BICD1: variants seen among roughly 807,000 people sequenced by gnomAD.
BICD1 encodes the protein protein bicaudal D homolog 1.
Under a neutral mutation model 92.5 loss-of-function variants are expected in BICD1, and 35 were observed. The observed-to-expected ratio is 0.38, with a 90% confidence interval of 0.29 to 0.50. The LOEUF (loss-of-function observed/expected upper bound fraction) is 0.50. Ranked by LOEUF, BICD1 falls within the 20% of genes least tolerant of loss-of-function variation. The pLI is 0.93. For synonymous variants in BICD1, 429 were observed against 465.1 expected, an observed-to-expected ratio of 0.92 and a Z score of 1.00; for missense variants, 950 against 1,189.8, an observed-to-expected ratio of 0.80 and a Z score of 2.97.
intron 2 of BICD1, among the ~76,000 whole-genome samples, chr12:32,255,730 T>G (rs1565622571): frequency 6.6e-6 from 1 of 152,212 alleles, no homozygotes; most frequent in Non-Finnish European, 1.5e-5. Context: ...TTGCCCCAGA[T>G]AGCTGGCTCA....
In BICD1 at chr12:32,220,010, T is replaced by C. The variant is rs12322254; in HGVS notation, c.426+3551T>C. On this transcript the variant is annotated intron_variant, in intron 2 of 9. Transcript: ENST00000652176. ...AATGGGTAAAGGATTCCCTATTTAA[T>C]AAATGGTGCTGGGAAAACTGGCTAG... is the stretch of plus-strand genomic sequence containing the variant. Among the ~76,000 whole-genome samples the C allele has an allele frequency of 5.1e-3, 783 of 152,248 alleles. 10 individuals are homozygous for C. Among genetic ancestry groups the C allele is most frequent in the African/African-American group, 0.018 (729 of 41,542 alleles).
chr12:32,111,001 A>G (rs1941668506), intron 1 of BICD1, among the ~76,000 whole-genome samples: 1 of 151,556 alleles, frequency 6.6e-6, no homozygotes, highest in African/African-American at 2.4e-5. Flanking sequence ...AAAAAAAAAG[A>G]GTTTTTTTTT....
At chr12:32,325,801 G>T (rs534504963) in intron 4 of BICD1, among the ~76,000 whole-genome samples, 1 of 152,092 alleles carries the variant, frequency 6.6e-6, no homozygotes, top group African/African-American at 2.4e-5. Context: ...TGGGCCAGGC[G>T]CGGTGGCTCA....
At chr12:32,375,500 T>A (rs774585326) in intron 9 of BICD1, among the ~76,000 whole-genome samples, 1 of 152,150 alleles carries the variant, frequency 6.6e-6, no homozygotes, top group African/African-American at 2.4e-5. Context: ...ACTGCACTCC[T>A]GCCTGGGCGA....
intron 1 of BICD1, among the ~76,000 whole-genome samples, chr12:32,212,845 G>A (rs1364344076): frequency 2.6e-5 from 4 of 152,124 alleles, no homozygotes; most frequent in African/African-American, 9.7e-5. Flanking sequence ...ATATAACTCT[G>A]TGTGCCAGTG....
chr12:32,294,235 T>C (rs888072820), intron 3 of BICD1, 89 bp downstream of exon 3: 7 of 1,250,000 alleles, frequency 5.6e-6, no homozygotes, highest in African/African-American at 4.6e-5. Context: ...TCAGAATTTA[T>C]TGTTACTCTT....
intron 1 of BICD1, among the ~76,000 whole-genome samples, chr12:32,147,055 C>G (rs1436315442): frequency 2.0e-5 from 3 of 152,060 alleles, no homozygotes; most frequent in East Asian, 3.9e-4. Flanking sequence ...ATCCTCTCAC[C>G]TTAGCCTCCC....
intron 1 of BICD1, among the ~76,000 whole-genome samples, chr12:32,148,672 T>C (rs1031687199): frequency 2.6e-4 from 39 of 152,184 alleles, no homozygotes; most frequent in African/African-American, 8.4e-4. Flanking sequence ...TGTATGACCA[T>C]GCAGCTTTCC....
chr12:32,329,108 T>TC (rs1374700396), intron 5 of BICD1, among the ~76,000 whole-genome samples: 3 of 151,982 alleles, frequency 2.0e-5, no homozygotes, highest in Non-Finnish European at 4.4e-5. Flanking sequence ...TATTATTATT[T>TC]TTTATTTTTG....
At chr12:32,350,328 C>A (rs576458489) in intron 8 of BICD1, among the ~76,000 whole-genome samples, 10,179 of 151,940 alleles carry the variant, frequency 0.067, 1,143 homozygotes, top group African/African-American at 0.23. Context: ...ACAAAAAAAA[C>A]AAAAATTAGC....
At chr12:32,331,908 A>C (rs1937890837) in intron 5 of BICD1, among the ~76,000 whole-genome samples, 1 of 152,232 alleles carries the variant, frequency 6.6e-6, no homozygotes, top group South Asian at 2.1e-4. Context: ...AAGTATTAAC[A>C]GATGACATTC....
intron 3 of BICD1, among the ~76,000 whole-genome samples, chr12:32,302,392 G>A (rs946997918): frequency 1.3e-5 from 2 of 152,078 alleles, no homozygotes; most frequent in Non-Finnish European, 2.9e-5. Flanking sequence ...GAAGGGACAC[G>A]GGAGCACACA....
chr12:32,107,660 AGGG>A (rs1941536294), intron 1 of BICD1, 116 bp downstream of exon 1: 1 of 1,133,452 alleles, frequency 8.8e-7, no homozygotes, highest in South Asian at 1.3e-5. Flanking sequence ...TTTTTCTTCT[AGGG>A]CCCTTTGTTG....
At chr12:32,364,019 C>T (rs1939432368) in intron 8 of BICD1, among the ~76,000 whole-genome samples, 1 of 152,018 alleles carries the variant, frequency 6.6e-6, no homozygotes, top group Non-Finnish European at 1.5e-5. Context: ...CCATCACCAT[C>T]ACCACCATCA....
At chr12:32,359,219 T>C (rs941227439) in intron 8 of BICD1, among the ~76,000 whole-genome samples, 1 of 152,252 alleles carries the variant, frequency 6.6e-6, no homozygotes, top group Admixed American at 6.5e-5. Flanking sequence ...CTTTAATGAA[T>C]ATTGACTGTT....
chr12:32,339,595 C>G (rs1452234976), intron 8 of BICD1: 1 of 985,232 alleles, frequency 1.0e-6, no homozygotes, highest in African/African-American at 1.7e-5. Context: ...TTCCTTCCTT[C>G]CTTTCATTCT....
intron 2 of BICD1, among the ~76,000 whole-genome samples, chr12:32,233,481 TAAG>T (rs1280204399): frequency 1.3e-5 from 2 of 152,186 alleles, no homozygotes; most frequent in South Asian, 4.1e-4. Flanking sequence ...AGCATATATA[TAAG>T]GATTTCTGTC....
chr12:32,268,291 G>A (rs1947051816), intron 2 of BICD1, among the ~76,000 whole-genome samples: 1 of 152,146 alleles, frequency 6.6e-6, no homozygotes. Context: ...AGGATGGAGA[G>A]TGCCTGCATT....
At chr12:32,193,116 A>G (rs1380774678) in intron 1 of BICD1, among the ~76,000 whole-genome samples, 1 of 152,248 alleles carries the variant, frequency 6.6e-6, no homozygotes, top group Non-Finnish European at 1.5e-5. Context: ...ATGCTGCCAG[A>G]CAGTATTGCC....
Sources: allele counts gnomAD v4.1 joint callset (sites outside exome capture counted in the v4.1 genomes callset), GRCh38; gene constraint gnomAD v4.1.1; transcripts MANE v1.5; gene names NCBI Gene and HGNC (gene_info 2026-07-23, HGNC 2026-07-21).